The following SCAMP5 variants were observed in gnomAD, a reference collection of about 807,000 sequenced individuals.
SCAMP5 encodes the protein secretory carrier-associated membrane protein 5.
Under a neutral mutation model 28.3 loss-of-function variants are expected in SCAMP5, and 7 were observed. The ratio of observed to expected loss-of-function variants is 0.25; its 90% CI spans 0.14 to 0.46. SCAMP5 has a LOEUF of 0.46. SCAMP5 is among the 20% of genes least tolerant of loss of function. The pLI is 0.99. For synonymous variants in SCAMP5, 117 were observed against 116.4 expected, an observed-to-expected ratio of 1.00 and a Z score of -0.03; for missense variants, 192 against 312.5, an observed-to-expected ratio of 0.61 and a Z score of 2.91.
rs1052627584 is a variant in SCAMP5, at chr15:75,001,604, C to T, written c.-49+5931C>T. 2.6e-5 allele frequency among the ~76,000 whole-genome samples: 4 copies of T among 152,118 alleles called. No individual in the cohort carries two copies. The East Asian group carries it at 7.7e-4, about 29-fold the overall frequency. Reference sequence around the variant, plus strand: ...AAACCTAGGCGGCCAGGCACCCTGGCTCATGGCTGTAATCCCAGCACTTTG... The same window carrying T: ...AAACCTAGGCGGCCAGGCACCCTGGTTCATGGCTGTAATCCCAGCACTTTG... On this transcript the variant is annotated intron_variant, in intron 1 of 6. Transcript: ENST00000425597.
chr15:75,003,739 G>A (rs2065730624), intron 1 of SCAMP5, among the ~76,000 whole-genome samples: 1 of 152,264 alleles, frequency 6.6e-6, no homozygotes, highest in Admixed American at 6.5e-5. Flanking sequence ...GAGCCCAGGA[G>A]TTCGAGGCTG....
chr15:74,998,199 G>A lies in SCAMP5; in HGVS notation c.-49+2526G>A, dbSNP rs2065670197. ...TTCAGGTAGTAACTGCTATCTTATTGATAATTAAGGTGTTTCCCTAGGCCT... is the reference window on the plus strand; with the variant it reads ...TTCAGGTAGTAACTGCTATCTTATTAATAATTAAGGTGTTTCCCTAGGCCT... On this transcript the variant is annotated intron_variant, in intron 1 of 6. Transcript: ENST00000425597. 2.6e-5 allele frequency among the ~76,000 whole-genome samples: 4 copies of A among 152,350 alleles called. No individual in the cohort carries two copies. In the South Asian group the frequency reaches 8.3e-4, roughly 32 times the overall value.
Position 75,012,823 on chromosome 15 carries a change from G to A in SCAMP5, c.136+18G>A, listed in dbSNP as rs773505035. The A allele has an allele frequency of 6.2e-7, 1 of 1,613,866 alleles. No homozygotes were observed. Reference sequence around the variant, plus strand: ...CTGGATGTGTGAGTGCCATGGGATGGGGGTGGGCCAGGGTGGCTGGAGGAG... The same window carrying A: ...CTGGATGTGTGAGTGCCATGGGATGAGGGTGGGCCAGGGTGGCTGGAGGAG... On this transcript the variant is annotated intron_variant, in intron 3 of 6. Coordinates refer to ENST00000425597, the MANE Select transcript of SCAMP5 (RefSeq NM_138967.4).
At chr15:75,002,374 T>A (rs1388620383) in intron 1 of SCAMP5, among the ~76,000 whole-genome samples, 3 of 151,914 alleles carry the variant, frequency 2.0e-5, no homozygotes, top group Non-Finnish European at 2.9e-5. Context: ...ATCCTACACA[T>A]CTCTGGCTTA....
chr15:75,018,919 C>CCAT lies in SCAMP5; in HGVS notation c.645_647dup (p.Ala215_Met216insIle). Reference sequence around the variant, plus strand: ...GCAGCCATGGGGGCAGCCCAGGGTGCCATGAATCAGCCTCAGACTCAGTAT... The same window carrying CCAT: ...GCAGCCATGGGGGCAGCCCAGGGTGCCATCATGAATCAGCCTCAGACTCAGTAT... On this transcript the variant is annotated inframe_insertion, in exon 7 of 7. Transcript: ENST00000425597. The surrounding 1 kb of genome is among the most constrained non-coding windows in gnomAD (Gnocchi z 5.6). 6.4e-7 allele frequency: 1 copy of CCAT among 1,573,744 alleles called. No homozygotes were observed. Among genetic ancestry groups the CCAT allele is most frequent in the Admixed American group, 2.1e-5 (1 of 46,728 alleles).
chr15:74,996,598 A>G lies in SCAMP5; in HGVS notation c.-49+925A>G, dbSNP rs1484196022. Among the ~76,000 whole-genome samples the G allele has an allele frequency of 6.6e-6, 1 of 152,190 alleles. No homozygotes were observed. The highest frequency in any genetic ancestry group is 1.5e-5 in the Non-Finnish European group (1 of 68,046). Reference sequence around the variant, plus strand: ...AAGAGAGGGCATTCCAGGAGAATGTATGGGCAAAGGCACAGGGATGAAAAC... The same window carrying G: ...AAGAGAGGGCATTCCAGGAGAATGTGTGGGCAAAGGCACAGGGATGAAAAC... On this transcript the variant is annotated intron_variant, in intron 1 of 6. Transcript: ENST00000425597. This position sits in a 1 kb window ranked among gnomAD's most constrained non-coding sequence, Gnocchi z 4.1.
chr15:75,008,178 T>C (rs2065778408), intron 1 of SCAMP5, among the ~76,000 whole-genome samples: 1 of 152,106 alleles, frequency 6.6e-6, no homozygotes, highest in Non-Finnish European at 1.5e-5. Context: ...TTTGCTTTTC[T>C]TTTTGGTTTA....
intron 1 of SCAMP5, among the ~76,000 whole-genome samples, chr15:75,010,346 T>C (rs994059240): frequency 2.0e-5 from 3 of 152,134 alleles, no homozygotes; most frequent in Non-Finnish European, 4.4e-5. Context: ...GTCTCCACCA[T>C]CCACTCGGGG....
intron 3 of SCAMP5, among the ~76,000 whole-genome samples, chr15:75,014,450 C>T (rs1165075032): frequency 2.0e-5 from 3 of 152,108 alleles, no homozygotes; most frequent in South Asian, 2.1e-4. Context: ...TGTTTGTCGA[C>T]GGATAGTGAG....
chr15:75,016,889 T>G (rs1704714533), intron 4 of SCAMP5, 140 bp downstream of exon 4: 6 of 805,412 alleles, frequency 7.4e-6, no homozygotes, highest in African/African-American at 1.8e-5. Flanking sequence ...TTGGCTCAGA[T>G]TGCTAGGTAG....
At chr15:75,002,553 G>A (rs1230407168) in intron 1 of SCAMP5, among the ~76,000 whole-genome samples, 9 of 151,848 alleles carry the variant, frequency 5.9e-5, no homozygotes, top group Non-Finnish European at 5.9e-5. Context: ...CAGCTGACTC[G>A]ATGCTGTTAG....
At chr15:75,004,915 G>A (rs770464123) in intron 1 of SCAMP5, among the ~76,000 whole-genome samples, 6 of 152,166 alleles carry the variant, frequency 3.9e-5, no homozygotes, top group Non-Finnish European at 2.9e-5. Flanking sequence ...GGTGGCTCAC[G>A]CCTGTAATCC....
intron 1 of SCAMP5, among the ~76,000 whole-genome samples, chr15:75,000,621 T>C (rs954460568): frequency 2.6e-5 from 4 of 151,236 alleles, no homozygotes; most frequent in African/African-American, 9.7e-5. Context: ...CCTGACCTCG[T>C]GATCCGCCCA....
chr15:75,010,968 G>T (rs1429963078), intron 1 of SCAMP5, among the ~76,000 whole-genome samples: 3 of 152,176 alleles, frequency 2.0e-5, no homozygotes, highest in African/African-American at 7.2e-5. Flanking sequence ...ACTTTGGGAG[G>T]CTGAAGCAGG....
Position 75,018,002 on chromosome 15 carries a change from C to T in SCAMP5, c.395+31C>T, listed in dbSNP as rs759274775. On this transcript the variant is annotated intron_variant, in intron 5 of 6. Transcript: ENST00000425597. The surrounding 1 kb of genome is among the most constrained non-coding windows in gnomAD (Gnocchi z 5.6). Reference sequence around the variant, plus strand: ...AGGCAGGGGTGTGGCCTGGGGCTGGCAGGGGTGGCGTTGTGGGTGTATCTT... The same window carrying T: ...AGGCAGGGGTGTGGCCTGGGGCTGGTAGGGGTGGCGTTGTGGGTGTATCTT... 7.1e-7 allele frequency: 1 copy of T among 1,416,804 alleles called. No homozygotes were observed. Among genetic ancestry groups the T allele is most frequent in the South Asian group, 1.2e-5 (1 of 86,816 alleles). 87.8% of individuals were successfully genotyped at this position (1,416,804 alleles called of 1,614,324 possible).
intron 1 of SCAMP5, among the ~76,000 whole-genome samples, chr15:75,004,158 T>C (rs2065734736): frequency 6.6e-6 from 1 of 151,932 alleles, no homozygotes; most frequent in Non-Finnish European, 1.5e-5. Flanking sequence ...CCCGCCTCGG[T>C]CTCCCAAAGT....
rs140147718 is a variant in SCAMP5 at position 75,004,183 on chromosome 15, C to T, written c.-48-7609C>T. ...TCTCCCAAAGTGCTGGTATTACAGG[C>T]GTGAGCCACCACGTCTGGCCTATTT... On this transcript the variant is annotated intron_variant, in intron 1 of 6. Transcript: ENST00000425597. 2.2e-3 allele frequency among the ~76,000 whole-genome samples: 335 copies of T among 152,136 alleles called. 2 individuals carry two copies. The highest frequency in any genetic ancestry group is 7.8e-3 in the African/African-American group (325 of 41,518).
In SCAMP5 at chr15:75,018,429, C is replaced by G; in HGVS notation, c.407C>G (p.Ala136Gly). ...GCCTCTTCCTGCAGCGGCTGGATTG[C>G]TACCATCTCCTTCTTCGGAACGAAC... ...IPGWGVCGWI[A>G]TISFFGTNIG... is the part of the protein sequence containing the mutation. Residue 136 changes from alanine (A) to glycine (G), a missense_variant, in exon 6 of 7, where the codon GCT (alanine) becomes GGT (glycine). Transcript: ENST00000425597. The surrounding 1 kb of genome is among the most constrained non-coding windows in gnomAD (Gnocchi z 5.6). 2.5e-6 allele frequency: 4 copies of G among 1,612,620 alleles called. No individual in the cohort carries two copies. Among genetic ancestry groups the G allele is most frequent in the Non-Finnish European group, 3.4e-6 (4 of 1,178,606 alleles).
In SCAMP5 at chr15:75,018,805, G is replaced by A. The variant is rs758037200; in HGVS notation, c.530G>A (p.Arg177Gln). The A allele has an allele frequency of 3.1e-6, 5 of 1,604,234 alleles. No individual in the cohort carries two copies. Among genetic ancestry groups the A allele is most frequent in the Non-Finnish European group, 3.4e-6 (4 of 1,176,970 alleles). The change falls in exon 7 of 7, where the codon CGG (arginine) becomes CAG (glutamine). Residue 177 changes from arginine (R) to glutamine (Q), a missense_variant. Arg to Gln is a conservative substitution (Grantham distance 43). Transcript: ENST00000425597. This position sits in a 1 kb window ranked among gnomAD's most constrained non-coding sequence, Gnocchi z 5.6. Reference sequence around the variant, plus strand: ...TTCCTACAGGTTCATAAATTTTACCGGGGAAGTGGGGGGAGTTTCAGCAAA... The same window carrying A: ...TTCCTACAGGTTCATAAATTTTACCAGGGAAGTGGGGGGAGTTTCAGCAAA... ...IALSMVHKFYRGSGGSFSKAQ... is the reference protein window; with the variant it reads ...IALSMVHKFYQGSGGSFSKAQ...
Sources: gnomAD v4.1 joint callset for allele counts (sites outside exome capture counted in the v4.1 genomes callset) on GRCh38, gnomAD v4.1.1 for gene constraint, Gnocchi (gnomAD v3.1) non-coding constraint, MANE v1.5 for transcripts, NCBI Gene and HGNC (gene_info 2026-07-23, HGNC 2026-07-21) for gene names.